ABLIM2: variants seen among roughly 807,000 people sequenced by gnomAD.
ABLIM2 encodes the protein actin-binding LIM protein 2.
Under a neutral mutation model 97.7 loss-of-function variants are expected in ABLIM2, and 53 were observed. That is an observed-to-expected ratio of 0.54 (90% CI 0.44 to 0.68). The LOEUF (loss-of-function observed/expected upper bound fraction) is 0.68, where lower values mean the gene tolerates loss of function less well. Among genes scored for constraint, ABLIM2 ranks in the 30% least tolerant of loss-of-function variants. The pLI is 0.00. For synonymous variants in ABLIM2, 361 were observed against 345.8 expected (o/e 1.04, Z -0.49); for missense variants, 835 against 867.2 (o/e 0.96, Z 0.47).
In ABLIM2 at chr4:8,069,798, TTG is replaced by T. The variant is rs566870216; in HGVS notation, c.675+7828_675+7829del. On this transcript the variant is annotated intron_variant, in intron 6 of 20. Transcript: ENST00000447017. This position sits in a 1 kb window ranked among gnomAD's most constrained non-coding sequence, Gnocchi z 4.2. ...ATGTTGTCTGTGTCTCTCCGTGTGC[TTG>T]TGTGTCTCTATGTGTTGTCTGTGTG... Among the ~76,000 whole-genome samples, 146 of 152,122 alleles carry T rather than the reference TTG, an allele frequency of 9.6e-4. 1 individual carries two copies. The highest frequency in any genetic ancestry group is 3.4e-3 in the Middle Eastern group (1 of 294).
intron 1 of ABLIM2, among the ~76,000 whole-genome samples, chr4:8,118,348 C>T (rs1266645793): frequency 5.3e-5 from 8 of 152,210 alleles, no homozygotes; most frequent in African/African-American, 1.4e-4. Flanking sequence ...ACTCGTCCTC[C>T]AATCCCACAG....
At position 8,085,412 on chromosome 4, in the gene ABLIM2, G is replaced by A. The variant is rs574793064; in HGVS notation, c.454+2757C>T. On this transcript the variant is annotated intron_variant, in intron 4 of 20. Coordinates refer to ENST00000447017, the MANE Select transcript of ABLIM2 (RefSeq NM_001130083.2). This position sits in a 1 kb window ranked among gnomAD's most constrained non-coding sequence, Gnocchi z 6.1. ...TGGCTTTGGAGGAAGCTGCCATCTG[G>A]TGTTGGTGTCTCAGTGCCATTCCCA... Among the ~76,000 whole-genome samples, 1 of 152,154 alleles carries A rather than the reference G, an allele frequency of 6.6e-6. No homozygotes were observed. The highest frequency in any genetic ancestry group is 1.5e-5 in the Non-Finnish European group (1 of 68,010).
intron 2 of ABLIM2, among the ~76,000 whole-genome samples, chr4:8,101,725 G>T (rs6824442): frequency 0.032 from 4,856 of 152,224 alleles, 237 homozygotes; most frequent in African/African-American, 0.1. Flanking sequence ...GGCACACATG[G>T]GTGTGGCCTC....
intron 1 of ABLIM2, among the ~76,000 whole-genome samples, chr4:8,154,257 C>CG (rs1714408276): frequency 6.8e-6 from 1 of 146,164 alleles, no homozygotes. Context: ...CCACCGCACC[C>CG]AGCCACTTAT....
intron 1 of ABLIM2, among the ~76,000 whole-genome samples, chr4:8,114,389 C>T (rs1443100328): frequency 1.3e-5 from 2 of 152,212 alleles, no homozygotes; most frequent in Non-Finnish European, 2.9e-5. Context: ...CTCATGGATC[C>T]TGCCACACTG....
intron 20 of ABLIM2, 122 bp from the exon 21 acceptor site, chr4:7,967,225 A>C: frequency 1.2e-6 from 1 of 801,292 alleles, no homozygotes; most frequent in Non-Finnish European, 2.1e-6. Flanking sequence ...GGTGGCCCTC[A>C]GCGTGCTCGG....
At position 8,023,852 on chromosome 4, in the gene ABLIM2, C is replaced by T. The variant is rs1224640122; in HGVS notation, c.1268-3549G>A. Among the ~76,000 whole-genome samples the T allele has an allele frequency of 2.6e-5, 4 of 152,208 alleles. No homozygotes were observed. The highest frequency in any genetic ancestry group is 5.9e-5 in the Non-Finnish European group (4 of 68,044). ...TACAATCCAATGACACATCCTTCAT[C>T]GTGGTGCTCCCAGTGGCCCAGTGTG... On this transcript the variant is annotated intron_variant, in intron 12 of 20. Transcript: ENST00000447017. The surrounding 1 kb of genome is among the most constrained non-coding windows in gnomAD (Gnocchi z 5.7).
At chr4:7,993,095 C>T (rs548679711) in intron 16 of ABLIM2, among the ~76,000 whole-genome samples, 168 bp from the exon 17 acceptor site, 10 of 152,284 alleles carry the variant, frequency 6.6e-5, no homozygotes, top group South Asian at 2.1e-4. Context: ...GTTCCCAGGG[C>T]GCTGACCGAG....
At chr4:8,108,869 CCT>C (rs1430171949) in intron 1 of ABLIM2, among the ~76,000 whole-genome samples, 11 of 152,390 alleles carry the variant, frequency 7.2e-5, no homozygotes, top group Admixed American at 3.9e-4. Flanking sequence ...GCCAGCTCCC[CCT>C]GTCTTGGTCT....
intron 5 of ABLIM2, among the ~76,000 whole-genome samples, chr4:8,079,792 A>G (rs969594621): frequency 1.3e-5 from 2 of 152,082 alleles, no homozygotes; most frequent in African/African-American, 4.8e-5. Context: ...GCCTCACTCC[A>G]TGCAGTTTTA....
intron 8 of ABLIM2, among the ~76,000 whole-genome samples, chr4:8,049,062 A>T (rs1794355649): frequency 6.6e-6 from 1 of 152,038 alleles, no homozygotes; most frequent in African/African-American, 2.4e-5. Context: ...GCCGCCTGTG[A>T]CCACTGCCAG....
intron 2 of ABLIM2, among the ~76,000 whole-genome samples, chr4:8,103,041 G>A (rs560751550): frequency 4.4e-4 from 67 of 152,334 alleles, no homozygotes; most frequent in African/African-American, 1.4e-3. Flanking sequence ...TTGGAGCAAC[G>A]GCAGCCATCT....
chr4:8,023,865 GTGGCCCAGTGTGTGCCTGGTGC>G lies in ABLIM2; in HGVS notation c.1268-3584_1268-3563del, dbSNP rs1775612413. Among the ~76,000 whole-genome samples, 1 of 152,058 alleles carries G rather than the reference GTGGCCCAGTGTGTGCCTGGTGC, an allele frequency of 6.6e-6. No homozygotes were observed. Among genetic ancestry groups the G allele is most frequent in the Non-Finnish European group, 1.5e-5 (1 of 68,028 alleles). Reference sequence around the variant, plus strand: ...CACATCCTTCATCGTGGTGCTCCCAGTGGCCCAGTGTGTGCCTGGTGCTGGCTCAGCTGGCTCCTGTGGAGCC... The same window carrying G: ...CACATCCTTCATCGTGGTGCTCCCAGTGGCTCAGCTGGCTCCTGTGGAGCC... On this transcript the variant is annotated intron_variant, in intron 12 of 20. Coordinates refer to ENST00000447017, the MANE Select transcript of ABLIM2 (RefSeq NM_001130083.2). This position sits in a 1 kb window ranked among gnomAD's most constrained non-coding sequence, Gnocchi z 5.7.
At chr4:8,060,855 T>C (rs561281181) in intron 7 of ABLIM2, 112 bp downstream of exon 7, 3 of 928,878 alleles carry the variant, frequency 3.2e-6, no homozygotes, top group Middle Eastern at 2.4e-4. Context: ...GGGCTGCTCG[T>C]GACCTAGCGA....
chr4:8,056,112 CAAAA>C (rs60992903), intron 7 of ABLIM2, among the ~76,000 whole-genome samples: 279 of 68,296 alleles, frequency 4.1e-3, no homozygotes, highest in Non-Finnish European at 4.7e-3. Context: ...GACTCTGTCT[CAAAA>C]AAAAAAAAAA....
intron 20 of ABLIM2, among the ~76,000 whole-genome samples, chr4:7,973,027 C>T (rs189759417): frequency 3.7e-4 from 53 of 144,440 alleles, no homozygotes; most frequent in Admixed American, 2.1e-4. Context: ...GCCTGGAAGA[C>T]GACAGTTCAA....
intron 20 of ABLIM2, among the ~76,000 whole-genome samples, chr4:7,977,090 G>T (rs1027001182): frequency 8.5e-5 from 13 of 152,140 alleles, no homozygotes; most frequent in African/African-American, 3.1e-4. Context: ...GGTCCTGGGG[G>T]TGGTTTCCCC....
chr4:8,036,216 C>A lies in ABLIM2; in HGVS notation c.980G>T (p.Arg327Leu). Residue 327 changes from arginine (R) to leucine (L), a missense_variant, in exon 10 of 21, where the codon CGC (arginine) becomes CTC (leucine). Transcript: ENST00000447017. ...PKSKAIYDID[R>L]PDMISYSPYI... is the part of the protein sequence containing the mutation. Reference sequence around the variant, plus strand: ...GGGTGAGTAGGAGATCATGTCGGGGCGGTCGATGTCATAGATGGCCTTACT... The same window carrying A: ...GGGTGAGTAGGAGATCATGTCGGGGAGGTCGATGTCATAGATGGCCTTACT... 6.2e-7 allele frequency: 1 copy of A among 1,613,818 alleles called. No homozygotes were observed. The highest frequency in any genetic ancestry group is 8.5e-7 in the Non-Finnish European group (1 of 1,179,808).
At position 7,999,409 on chromosome 4, in the gene ABLIM2, C is replaced by T. The variant is rs1755561570; in HGVS notation, c.1619-6482G>A. ...TTACATATTCAGAGATTTCACTTGA[C>T]TCTCACCAGCCTACACACTAAACAT... On this transcript the variant is annotated intron_variant, in intron 16 of 20. Coordinates refer to ENST00000447017, the MANE Select transcript of ABLIM2 (RefSeq NM_001130083.2). This position sits in a 1 kb window ranked among gnomAD's most constrained non-coding sequence, Gnocchi z 4.4. Among the ~76,000 whole-genome samples the T allele has an allele frequency of 6.6e-6, 1 of 152,178 alleles. No homozygotes were observed. Among genetic ancestry groups the T allele is most frequent in the African/African-American group, 2.4e-5 (1 of 41,454 alleles).
Sources: gnomAD v4.1 joint callset for allele counts (sites outside exome capture counted in the v4.1 genomes callset) on GRCh38, gnomAD v4.1.1 for gene constraint, Gnocchi (gnomAD v3.1) non-coding constraint, MANE v1.5 for transcripts, NCBI Gene and HGNC (gene_info 2026-07-23, HGNC 2026-07-21) for gene names.